INTS1: variants seen among roughly 807,000 people sequenced by gnomAD.
INTS1 encodes integrator complex subunit 1.
A neutral mutation model predicts 241.6 loss-of-function variants in INTS1; 137 were observed. The observed-to-expected ratio is 0.57, with a 90% CI of 0.49 to 0.65. INTS1 has a LOEUF of 0.65. Among genes scored for constraint, INTS1 ranks in the 30% least tolerant of loss-of-function variants. INTS1 has a pLI of 0.00. For synonymous variants in INTS1, 1,692 were observed against 1,337.8 expected (o/e 1.26, Z -5.78); for missense variants, 3,073 against 3,032.2 (o/e 1.01, Z -0.32).
At chr7:1,486,406 G>A (rs1235558391) in intron 22 of INTS1, among the ~76,000 whole-genome samples, 1 of 151,710 alleles carries the variant, frequency 6.6e-6, no homozygotes, top group African/African-American at 2.4e-5. Context: ...TGGGATTACA[G>A]GCCCCCTCCA....
chr7:1,488,619 C>T (rs556153464), intron 18 of INTS1, among the ~76,000 whole-genome samples: 5 of 152,118 alleles, frequency 3.3e-5, no homozygotes, highest in Admixed American at 2.0e-4. Context: ...CCGATCCCAA[C>T]GCCACACACA....
chr7:1,498,943 G>GCGC, intron 8 of INTS1, 32 bp downstream of exon 8: 3 of 1,070,736 alleles, frequency 2.8e-6, no homozygotes, highest in Non-Finnish European at 2.5e-6. Context: ...CCCACCCCCT[G>GCGC]CCCCGCCCAC....
Position 1,489,615 on chromosome 7 carries a change from C to T in INTS1, c.2233G>A (p.Ala745Thr), listed in dbSNP as rs200432342. 47 of 1,587,742 alleles carry T rather than the reference C, an allele frequency of 3.0e-5. No individual in the cohort carries two copies. The Middle Eastern group carries it at 5.0e-4, about 17-fold the overall frequency. Residue 745 changes from alanine (A) to threonine (T), a missense_variant, in exon 17 of 48, where the codon GCC becomes ACC. Coordinates refer to ENST00000404767, the MANE Select transcript of INTS1 (RefSeq NM_001080453.3). ...CCGATGTTCTCTGGGTTGAATGCGG[C>T]GACGACCAGCAGGAGGGGCCAGGCC... ...WKAWPLLLVVAAFNPENIGLA... is the reference protein window; with the variant it reads ...WKAWPLLLVVTAFNPENIGLA...
At chr7:1,495,600 G>A (rs1211501491) in intron 12 of INTS1, 47 bp from the exon 13 acceptor site, 1 of 1,579,936 alleles carries the variant, frequency 6.3e-7, no homozygotes, top group Admixed American at 1.8e-5. Flanking sequence ...CATGGGCCAT[G>A]AGGGGCTAAG....
At position 1,487,828 on chromosome 7, in the gene INTS1, C is replaced by T. The variant is rs376990104; in HGVS notation, c.2448G>A (p.Ala816=). 5.1e-5 allele frequency: 83 copies of T among 1,612,908 alleles called. 1 individual carries two copies. The highest frequency in any genetic ancestry group is 2.3e-4 in the African/African-American group (17 of 74,922). ...ILAFEGHLAA[A]STKQTITESS... ...TCTCAGTGATGGTCTGCTTGGTGGA[C>T]GCGGCCGCCAGGTGCCCCTCGAAGG... The change falls in exon 19 of 48, where the codon GCG becomes GCA. Residue 816 remains alanine, a synonymous_variant. Coordinates refer to ENST00000404767, the MANE Select transcript of INTS1 (RefSeq NM_001080453.3).
chr7:1,485,748 T>C (rs544391039), intron 22 of INTS1, among the ~76,000 whole-genome samples: 4 of 152,242 alleles, frequency 2.6e-5, no homozygotes, highest in African/African-American at 9.6e-5. Flanking sequence ...CACTAGCGCA[T>C]CCTTCCTACG....
intron 21 of INTS1, 27 bp from the exon 22 acceptor site, chr7:1,486,801 G>C (rs750728062): frequency 3.7e-6 from 6 of 1,609,750 alleles, no homozygotes; most frequent in Non-Finnish European, 5.1e-6. Context: ...GCTCTCAGGG[G>C]TGCAGGTGAC....
chr7:1,492,785 T>G (rs1357698983), intron 16 of INTS1, among the ~76,000 whole-genome samples: 4 of 150,132 alleles, frequency 2.7e-5, no homozygotes, highest in Non-Finnish European at 5.9e-5. Flanking sequence ...CACTGGTCTC[T>G]GGGAACAGGC....
chr7:1,493,963 C>T lies in INTS1; in HGVS notation c.1911-52G>A. 1 of 1,520,926 alleles carries T rather than the reference C, an allele frequency of 6.6e-7. No homozygotes were observed. Among genetic ancestry groups the T allele is most frequent in the Non-Finnish European group, 8.9e-7 (1 of 1,128,484 alleles). 94.2% of individuals were successfully genotyped at this position (1,520,926 alleles called of 1,614,324 possible). ...GTGTGGGCTGCCCACACCTGCCAGA[C>T]CTGAGGGGCCGAGGACAGGCCAGCT... On this transcript the variant is annotated intron_variant, in intron 14 of 47. Coordinates refer to ENST00000404767, the MANE Select transcript of INTS1 (RefSeq NM_001080453.3). The surrounding 1 kb of genome is among the most constrained non-coding windows in gnomAD (Gnocchi z 5.3).
intron 44 of INTS1, 99 bp downstream of exon 44, chr7:1,472,174 C>G (rs1781500735): frequency 8.8e-6 from 8 of 905,402 alleles, no homozygotes; most frequent in Non-Finnish European, 1.4e-5. Context: ...GGGCCAGGCT[C>G]ACGCCAAAGT....
chr7:1,477,461 G>A (rs1781776239), intron 35 of INTS1, 89 bp downstream of exon 35: 2 of 1,418,156 alleles, frequency 1.4e-6, no homozygotes, highest in Non-Finnish European at 1.9e-6. Flanking sequence ...CCCCTGCAAG[G>A]CTCGCCCAGG....
chr7:1,483,986 G>A lies in INTS1; in HGVS notation c.3429+17C>T. 1 of 1,601,288 alleles carries A rather than the reference G, an allele frequency of 6.2e-7. No homozygotes were observed. Among genetic ancestry groups the A allele is most frequent in the South Asian group, 1.1e-5 (1 of 90,564 alleles). On this transcript the variant is annotated intron_variant, in intron 25 of 47. Coordinates refer to ENST00000404767, the MANE Select transcript of INTS1 (RefSeq NM_001080453.3). Reference sequence around the variant, plus strand: ...ACCTCCTCGCCCTCACCCGGCCGTAGACCTCCTCGCCCTCACCCAGCTGTA... The same window carrying A: ...ACCTCCTCGCCCTCACCCGGCCGTAAACCTCCTCGCCCTCACCCAGCTGTA...
At chr7:1,488,096 C>T in intron 18 of INTS1, 139 bp from the exon 19 acceptor site, 1 of 882,952 alleles carries the variant, frequency 1.1e-6, no homozygotes, top group Non-Finnish European at 1.8e-6. Flanking sequence ...GCACAGGGCG[C>T]CCGGTAGCAT....
intron 16 of INTS1, 110 bp downstream of exon 16, chr7:1,492,900 A>G (rs10247000): frequency 0.5 from 217,591 of 434,972 alleles, 62,216 homozygotes; most frequent in East Asian, 0.78. Flanking sequence ...AGCGGGGCGC[A>G]GGCTTACCCG....
Position 1,495,442 on chromosome 7 carries a change from T to C in INTS1, c.1823A>G (p.Tyr608Cys), listed in dbSNP as rs775208501. 8 of 1,611,438 alleles carry C rather than the reference T, an allele frequency of 5.0e-6. No homozygotes were observed. The highest frequency in any genetic ancestry group is 6.8e-6 in the Non-Finnish European group (8 of 1,179,176). ...PSISKLAPKD[Y>C]VHCLHKVLFT... ...AGGGCCCCAGCCGCACCAGTGCACG[T>C]AGTCCTTAGGGGCGAGCTTGCTGAT... Residue 608 changes from tyrosine (Y) to cysteine (C), a missense_variant, in exon 13 of 48, where the codon TAC becomes TGC. Tyr to Cys is a radical substitution (Grantham distance 194). Coordinates refer to ENST00000404767, the MANE Select transcript of INTS1 (RefSeq NM_001080453.3).
Position 1,473,172 on chromosome 7 carries a change from G to T in INTS1, c.5970C>A (p.Phe1990Leu), listed in dbSNP as rs138397380. The T allele has an allele frequency of 6.2e-7, 1 of 1,610,736 alleles. No homozygotes were observed. Among genetic ancestry groups the T allele is most frequent in the African/African-American group, 1.3e-5 (1 of 74,910 alleles). Residue 1990 changes from phenylalanine to leucine, a missense_variant, in exon 43 of 48, where the codon TTC becomes TTA. Transcript: ENST00000404767. ...TCAGCATCACCAGGTCACTGTTGTC[G>T]AAGGACAGGTCGCTGGGGAGAGAAG... ...KHADPLHDLSFDNSDLVMLKS... is the reference protein window; with the variant it reads ...KHADPLHDLSLDNSDLVMLKS...
intron 43 of INTS1, 39 bp downstream of exon 43, chr7:1,473,033 C>CCGCA (rs1562483837): frequency 7.1e-7 from 1 of 1,414,796 alleles, no homozygotes; most frequent in Non-Finnish European, 9.8e-7. Context: ...TAGGACTGTT[C>CCGCA]CGCAGCTGCT....
chr7:1,470,651 T>G lies in INTS1; in HGVS notation c.6499A>C (p.Met2167Leu), dbSNP rs780849947. ...GCGCTGGGGTCCATCTGGCCGTACA[T>G]GCCCACCAGGAAGGCCCGGTGGAGC... Reference protein sequence around the residue: ...VLLHRAFLVGMYGQMDPSAQI... With the variant: ...VLLHRAFLVGLYGQMDPSAQI... The change falls in exon 48 of 48, where the codon ATG becomes CTG. Residue 2167 changes from methionine to leucine, a missense_variant. Transcript: ENST00000404767. 21 of 1,586,140 alleles carry G rather than the reference T, an allele frequency of 1.3e-5. No individual in the cohort carries two copies. In the South Asian group the frequency reaches 2.3e-4, roughly 17 times the overall value.
chr7:1,480,332 A>G lies in INTS1; in HGVS notation c.4059T>C (p.Ala1353=). The G allele has an allele frequency of 6.2e-7, 1 of 1,608,996 alleles. No individual in the cohort carries two copies. The change falls in exon 30 of 48, where the codon GCT becomes GCC. Residue 1353 remains alanine (A), a synonymous_variant. Coordinates refer to ENST00000404767, the MANE Select transcript of INTS1 (RefSeq NM_001080453.3). ...LRVLGPEDDL[A]GMFLQIFPLS... ...GCAACGCTACCTGGAGGAACATGCC[A>G]GCCAGGTCGTCCTCAGGGCCCAGCA...
Sources: gnomAD v4.1 joint callset for allele counts (sites outside exome capture counted in the v4.1 genomes callset) on GRCh38, gnomAD v4.1.1 for gene constraint, Gnocchi (gnomAD v3.1) non-coding constraint, MANE v1.5 for transcripts, NCBI Gene and HGNC (gene_info 2026-07-23, HGNC 2026-07-21) for gene names.